Variants in SGK3 observed in about 807,000 individuals in gnomAD.
SGK3 encodes the protein serine/threonine-protein kinase Sgk3.
SGK3 carries 47 observed loss-of-function variants against 68.5 expected under a neutral mutation model. The ratio of observed to expected loss-of-function variants is 0.69; its 90% CI spans 0.54 to 0.87. The LOEUF (loss-of-function observed/expected upper bound fraction) is 0.87. SGK3 is among the 40% of genes least tolerant of loss of function. SGK3 has a pLI of 0.00. For synonymous variants in SGK3, 181 were observed against 189.1 expected (o/e 0.96, Z 0.35); for missense variants, 479 against 575.5 (o/e 0.83, Z 1.72).
At chr8:66,798,725 T>A in intron 3 of SGK3, 100 bp downstream of exon 3, 1 of 997,862 alleles carries the variant, frequency 1.0e-6, no homozygotes, top group Non-Finnish European at 1.4e-6. Flanking sequence ...ACTCATATGT[T>A]AATATGTCAG....
intron 2 of SGK3, among the ~76,000 whole-genome samples, chr8:66,797,528 G>A (rs1045681150): frequency 2.6e-5 from 4 of 152,102 alleles, no homozygotes; most frequent in African/African-American, 7.2e-5. Context: ...CATGTATAGT[G>A]GGGGGTTGTA....
At chr8:66,716,369 A>G (rs990218571) in intron 1 of SGK3, among the ~76,000 whole-genome samples, 3 of 152,186 alleles carry the variant, frequency 2.0e-5, no homozygotes, top group African/African-American at 7.2e-5. Flanking sequence ...TCACCCAGTA[A>G]AATTGTATTG....
rs1369822549 is a variant in SGK3 at position 66,861,713 on chromosome 8, A to T, written c.*2132A>T. The T allele has an allele frequency of 6.6e-6, 1 of 152,162 alleles. No homozygotes were observed. The highest frequency in any genetic ancestry group is 2.4e-5 in the African/African-American group (1 of 41,440). The allele number at this position is 152,162 out of a possible 1,614,324, so 9.4% of individuals were successfully genotyped here. ...GGGCAGTGGGGGTGACTTTTCTTAT[A>T]TTAATAATATTTACATCCAATACAC... On this transcript the variant is annotated 3_prime_UTR_variant, in exon 17 of 17. Transcript: ENST00000521198.
intron 1 of SGK3, chr8:66,767,619 G>A: frequency 7.3e-7 from 1 of 1,368,416 alleles, no homozygotes; most frequent in African/African-American, 1.4e-5. Context: ...CTTCAGGCAG[G>A]TCAAAACTCT....
At chr8:66,763,321 T>G (rs968282307) in intron 1 of SGK3, among the ~76,000 whole-genome samples, 2 of 152,262 alleles carry the variant, frequency 1.3e-5, no homozygotes, top group Non-Finnish European at 2.9e-5. Flanking sequence ...ATATTTCAAT[T>G]CATAATGGTG....
intron 4 of SGK3, among the ~76,000 whole-genome samples, chr8:66,806,679 G>T (rs961065517): frequency 2.6e-5 from 4 of 151,966 alleles, no homozygotes; most frequent in Non-Finnish European, 5.9e-5. Flanking sequence ...CAGGCATAAT[G>T]GTGCATGCCT....
intron 1 of SGK3, among the ~76,000 whole-genome samples, chr8:66,787,975 C>T (rs2130552282): frequency 6.6e-6 from 1 of 152,306 alleles, no homozygotes; most frequent in East Asian, 1.9e-4. Context: ...GAAGATTTCC[C>T]TTCACCCCTC....
chr8:66,802,166 C>T (rs1807970432), intron 3 of SGK3, among the ~76,000 whole-genome samples: 1 of 152,030 alleles, frequency 6.6e-6, no homozygotes, highest in African/African-American at 2.4e-5. Flanking sequence ...AATTCTGCCT[C>T]CTGTGGTGAG....
chr8:66,817,439 A>C (rs1585761594), intron 5 of SGK3, among the ~76,000 whole-genome samples: 1 of 151,542 alleles, frequency 6.6e-6, no homozygotes, highest in African/African-American at 2.4e-5. Flanking sequence ...CAAAAAAAAA[A>C]CAAAAAAACA....
At chr8:66,793,888 AT>A in intron 2 of SGK3, 56 bp downstream of exon 2, 1 of 1,561,196 alleles carries the variant, frequency 6.4e-7, no homozygotes. Context: ...GAATATTTTC[AT>A]TTCTGCTTTT....
At position 66,860,761 on chromosome 8, in the gene SGK3, G is replaced by A. The variant is rs1323210167; in HGVS notation, c.*1180G>A. On this transcript the variant is annotated 3_prime_UTR_variant, in exon 17 of 17. Transcript: ENST00000521198. ...TGCTTTTGCAAATAGGTATTTCAAAGCTCTTTTCCTAACTGGTTAAGTAAA... is the reference window on the plus strand; with the variant it reads ...TGCTTTTGCAAATAGGTATTTCAAAACTCTTTTCCTAACTGGTTAAGTAAA... The A allele has an allele frequency of 1.3e-5, 2 of 152,134 alleles. No individual in the cohort carries two copies. The highest frequency in any genetic ancestry group is 2.9e-5 in the Non-Finnish European group (2 of 68,014). 9.4% of individuals were successfully genotyped at this position (152,134 alleles called of 1,614,324 possible). A position where few individuals can be genotyped will look rare whatever the true frequency, so the allele number is the denominator to read the frequency against.
chr8:66,748,919 A>T (rs1027589258), intron 1 of SGK3, among the ~76,000 whole-genome samples: 4 of 150,612 alleles, frequency 2.7e-5, no homozygotes, highest in African/African-American at 1.0e-4. Context: ...ATTTTAGACA[A>T]GGTCTCTCTC....
intron 4 of SGK3, among the ~76,000 whole-genome samples, chr8:66,805,386 G>A (rs1351670619): frequency 6.6e-6 from 1 of 152,016 alleles, no homozygotes; most frequent in Non-Finnish European, 1.5e-5. Flanking sequence ...GGGCATGATG[G>A]TGGGCGCCTG....
At chr8:66,735,594 T>TA (rs1314653902) in intron 1 of SGK3, among the ~76,000 whole-genome samples, 2 of 152,072 alleles carry the variant, frequency 1.3e-5, no homozygotes, top group East Asian at 3.8e-4. Context: ...ACCTACCAGA[T>TA]ATAGCCCTTT....
chr8:66,721,685 A>AT (rs202013763), intron 1 of SGK3, among the ~76,000 whole-genome samples: 24,305 of 144,866 alleles, frequency 0.17, 3,868 homozygotes, highest in African/African-American at 0.42. Flanking sequence ...GCTATTTATA[A>AT]TTTTTTTTTT....
chr8:66,805,241 C>T (rs914264829), intron 4 of SGK3, among the ~76,000 whole-genome samples: 5 of 151,126 alleles, frequency 3.3e-5, no homozygotes, highest in Admixed American at 2.6e-4. Context: ...TATCCTAAGC[C>T]GGGCACGGTG....
At chr8:66,821,999 T>TA (rs397749025) in intron 5 of SGK3, among the ~76,000 whole-genome samples, 2 of 151,428 alleles carry the variant, frequency 1.3e-5, no homozygotes, top group Non-Finnish European at 2.9e-5. Flanking sequence ...TTTTTTTTTT[T>TA]ACCAACTTTT....
At chr8:66,782,305 A>T (rs1585708444) in intron 1 of SGK3, among the ~76,000 whole-genome samples, 2 of 151,166 alleles carry the variant, frequency 1.3e-5, no homozygotes, top group African/African-American at 4.9e-5. Context: ...CCACATATGT[A>T]TGCCCAGGGT....
At chr8:66,736,027 A>G (rs1399444364) in intron 1 of SGK3, among the ~76,000 whole-genome samples, 2 of 152,230 alleles carry the variant, frequency 1.3e-5, no homozygotes, top group Non-Finnish European at 2.9e-5. Flanking sequence ...AGTTGGCTTC[A>G]GTGACTCATT....
Sources: allele counts gnomAD v4.1 joint callset (sites outside exome capture counted in the v4.1 genomes callset), GRCh38; gene constraint gnomAD v4.1.1; transcripts MANE v1.5; gene names NCBI Gene and HGNC (gene_info 2026-07-23, HGNC 2026-07-21).